Variants in RNGTT observed in about 807,000 individuals in gnomAD.
RNGTT encodes the protein RNA guanylyltransferase and 5'-phosphatase, also known as mRNA-capping enzyme.
Under a neutral mutation model 79.3 loss-of-function variants are expected in RNGTT, and 33 were observed. The observed-to-expected ratio is 0.42, with a 90% CI of 0.32 to 0.56. The LOEUF (loss-of-function observed/expected upper bound fraction) is 0.56, where lower values mean the gene tolerates loss of function less well. Among genes scored for constraint, RNGTT ranks in the 20% least tolerant of loss-of-function variants. The pLI is 0.17. For missense variants in RNGTT, 497 were observed against 739.1 expected (o/e 0.67, Z 3.80); for synonymous variants, 222 against 235.9 (o/e 0.94, Z 0.54).
chr6:88,817,982 A>G (rs968355009), intron 11 of RNGTT, among the ~76,000 whole-genome samples: 3 of 151,256 alleles, frequency 2.0e-5, no homozygotes, highest in African/African-American at 7.3e-5. Context: ...GATGGTCTCG[A>G]TCTCCTGACC....
chr6:88,631,276 G>T (rs1772873126), intron 14 of RNGTT, among the ~76,000 whole-genome samples: 1 of 152,166 alleles, frequency 6.6e-6, no homozygotes, highest in Non-Finnish European at 1.5e-5. Flanking sequence ...CTGTCTCAGA[G>T]ATCTCCTACA....
At chr6:88,644,834 C>G (rs1265582943) in intron 14 of RNGTT, among the ~76,000 whole-genome samples, 6 of 152,120 alleles carry the variant, frequency 3.9e-5, no homozygotes, top group Admixed American at 2.6e-4. Flanking sequence ...AATAAATTAG[C>G]TATTGATGGG....
chr6:88,955,084 A>G (rs1785381982), intron 1 of RNGTT, among the ~76,000 whole-genome samples: 1 of 152,058 alleles, frequency 6.6e-6, no homozygotes, highest in Admixed American at 6.6e-5. Flanking sequence ...TAAAAATTAA[A>G]ACTATACAAA....
intron 14 of RNGTT, among the ~76,000 whole-genome samples, chr6:88,615,477 T>TGG (rs1277541555): frequency 1.3e-5 from 2 of 152,296 alleles, no homozygotes; most frequent in African/African-American, 4.8e-5. Flanking sequence ...ATACACTCAG[T>TGG]GGTTTTGGAA....
chr6:88,708,993 G>A (rs1170779858), intron 13 of RNGTT, among the ~76,000 whole-genome samples: 1 of 152,076 alleles, frequency 6.6e-6, no homozygotes, highest in Admixed American at 6.5e-5. Context: ...TCTAGAGGAA[G>A]GAAGATGAAA....
chr6:88,736,975 C>G (rs1207913316), intron 13 of RNGTT, among the ~76,000 whole-genome samples: 1 of 152,210 alleles, frequency 6.6e-6, no homozygotes, highest in African/African-American at 2.4e-5. Context: ...GTTATTGCTA[C>G]CCAGGAGCCT....
chr6:88,709,305 C>CAAAAA (rs34297987), intron 13 of RNGTT, among the ~76,000 whole-genome samples: 1 of 138,690 alleles, frequency 7.2e-6, no homozygotes. Context: ...ACTCAGTCTT[C>CAAAAA]AAAAAAAAAA....
intron 13 of RNGTT, among the ~76,000 whole-genome samples, chr6:88,735,139 C>A: frequency 6.6e-6 from 1 of 152,064 alleles, no homozygotes; most frequent in East Asian, 1.9e-4. Flanking sequence ...ACATAACAAT[C>A]CTTAATATGC....
chr6:88,728,619 C>T (rs997588065), intron 13 of RNGTT, among the ~76,000 whole-genome samples: 2 of 152,164 alleles, frequency 1.3e-5, no homozygotes, highest in Non-Finnish European at 2.9e-5. Context: ...AAAGTTCTTC[C>T]CCTTTTCTAA....
chr6:88,815,390 A>G (rs998704352), intron 11 of RNGTT, among the ~76,000 whole-genome samples: 7 of 152,156 alleles, frequency 4.6e-5, no homozygotes, highest in Non-Finnish European at 1.0e-4. Flanking sequence ...TTATAATAAA[A>G]CTATAATTCT....
chr6:88,789,127 T>A (rs1038355524), intron 12 of RNGTT, among the ~76,000 whole-genome samples: 2 of 152,162 alleles, frequency 1.3e-5, no homozygotes, highest in African/African-American at 4.8e-5. Context: ...ATTCAAAGTA[T>A]CTTCTTTCTT....
rs116169235 is a variant in RNGTT, at chr6:88,670,703, G to A, written c.1506+7650C>T. On this transcript the variant is annotated intron_variant, in intron 14 of 15. Coordinates refer to ENST00000369485, the MANE Select transcript of RNGTT (RefSeq NM_003800.5). ...ATGAGGAAGACTTGTGAAACTTTCT[G>A]TTCTGTTCTGCTAGCCCCCATCACT... 4.5e-3 allele frequency among the ~76,000 whole-genome samples: 683 copies of A among 152,274 alleles called. 2 individuals carry two copies. The highest frequency in any genetic ancestry group is 0.016 in the African/African-American group (646 of 41,544).
chr6:88,838,347 C>G (rs1263158271), intron 11 of RNGTT, among the ~76,000 whole-genome samples: 1 of 151,870 alleles, frequency 6.6e-6, no homozygotes, highest in Non-Finnish European at 1.5e-5. Context: ...ATATAGTTGT[C>G]TATGTAATAA....
At chr6:88,920,876 G>GAT (rs932100989) in intron 4 of RNGTT, among the ~76,000 whole-genome samples, 4 of 151,968 alleles carry the variant, frequency 2.6e-5, no homozygotes, top group Non-Finnish European at 2.9e-5. Context: ...AGAACCTAGT[G>GAT]ATATATATAT....
Position 88,740,278 on chromosome 6 carries a change from G to C in RNGTT, c.1439+29496C>G, listed in dbSNP as rs112378991. Among the ~76,000 whole-genome samples the C allele has an allele frequency of 1.9e-3, 282 of 152,264 alleles. 1 individual carries two copies. The highest frequency in any genetic ancestry group is 6.6e-3 in the African/African-American group (275 of 41,564). ...CATGCCTTTAATCCTAGCACTTTGG[G>C]GGGGCCGAGGCAGGAGAATCGCTTG... On this transcript the variant is annotated intron_variant, in intron 13 of 15. Coordinates refer to ENST00000369485, the MANE Select transcript of RNGTT (RefSeq NM_003800.5).
intron 13 of RNGTT, among the ~76,000 whole-genome samples, chr6:88,755,609 A>T (rs1293666568): frequency 6.6e-6 from 1 of 152,130 alleles, no homozygotes; most frequent in African/African-American, 2.4e-5. Context: ...CTAAAGTAAG[A>T]AGAAAGGTAA....
intron 1 of RNGTT, among the ~76,000 whole-genome samples, chr6:88,948,525 C>G (rs1157397923): frequency 6.8e-6 from 1 of 148,078 alleles, no homozygotes; most frequent in African/African-American, 2.5e-5. Flanking sequence ...CCGCCCCGTC[C>G]GGGAGGTGAG....
chr6:88,680,129 T>C (rs1775036273), intron 13 of RNGTT, among the ~76,000 whole-genome samples: 1 of 152,196 alleles, frequency 6.6e-6, no homozygotes, highest in African/African-American at 2.4e-5. Flanking sequence ...CGGCATGCCA[T>C]ACTGATATAA....
At chr6:88,950,075 G>A (rs534494165) in intron 1 of RNGTT, among the ~76,000 whole-genome samples, 2 of 152,166 alleles carry the variant, frequency 1.3e-5, no homozygotes, top group Non-Finnish European at 2.9e-5. Context: ...TAAGAATTAT[G>A]CTAAATCTAC....
Sources: allele counts gnomAD v4.1 joint callset (sites outside exome capture counted in the v4.1 genomes callset), GRCh38; gene constraint gnomAD v4.1.1; transcripts MANE v1.5; gene names NCBI Gene and HGNC (gene_info 2026-07-23, HGNC 2026-07-21).